The following TECRL variants were observed in gnomAD, a reference collection of about 807,000 sequenced individuals.
TECRL encodes the protein trans-2,3-enoyl-CoA reductase like.
In TECRL, 63 loss-of-function variants were observed where a neutral mutation model predicts 52.8. That is an observed-to-expected ratio of 1.19 (90% CI 0.97 to 1.47). The LOEUF (loss-of-function observed/expected upper bound fraction) is 1.47. TECRL is among the 40% of genes most tolerant of loss of function. The pLI is 0.00. For missense variants in TECRL, 482 were observed against 429.6 expected, an observed-to-expected ratio of 1.12 and a Z score of -1.08; for synonymous variants, 164 against 141.9, an observed-to-expected ratio of 1.16 and a Z score of -1.10.
intron 1 of TECRL, among the ~76,000 whole-genome samples, chr4:64,396,016 T>C (rs1577990021): frequency 6.6e-6 from 1 of 152,196 alleles, no homozygotes; most frequent in South Asian, 2.1e-4. Flanking sequence ...TGTTTTTTTA[T>C]GGCTGTGTAG....
chr4:64,352,799 C>G (rs1267951819), intron 2 of TECRL, among the ~76,000 whole-genome samples: 1 of 152,184 alleles, frequency 6.6e-6, no homozygotes, highest in Non-Finnish European at 1.5e-5. Context: ...ATGTTCTTGT[C>G]TTCGATGCTC....
At chr4:64,391,450 A>G (rs760628722) in intron 1 of TECRL, among the ~76,000 whole-genome samples, 1 of 151,976 alleles carries the variant, frequency 6.6e-6, no homozygotes, top group South Asian at 2.1e-4. Context: ...AAATGACCAG[A>G]ACTGAGTCCT....
chr4:64,281,582 G>T lies in TECRL; in HGVS notation c.833-23C>A, dbSNP rs377691033. 5.2e-6 allele frequency: 7 copies of T among 1,336,312 alleles called. No individual in the cohort carries two copies. In the South Asian group the frequency reaches 8.4e-5, roughly 16 times the overall value. 82.8% of individuals were successfully genotyped at this position (1,336,312 alleles called of 1,614,324 possible). ...TTCCTTTTTCAAAGGAAAGTAAAAT[G>T]TCAATGATGCTACACATTGCAAATC... is the stretch of plus-strand genomic sequence containing the variant. On this transcript the variant is annotated intron_variant, in intron 9 of 11. Transcript: ENST00000381210.
At chr4:64,373,764 G>A (rs1002462582) in intron 2 of TECRL, among the ~76,000 whole-genome samples, 1 of 151,056 alleles carries the variant, frequency 6.6e-6, no homozygotes, top group Non-Finnish European at 1.5e-5. Flanking sequence ...AAACTGTCTG[G>A]AGACACTTTA....
chr4:64,371,315 A>G (rs1312429894), intron 2 of TECRL, among the ~76,000 whole-genome samples: 2 of 151,168 alleles, frequency 1.3e-5, no homozygotes, highest in Non-Finnish European at 3.0e-5. Context: ...TTATAATTAT[A>G]ACTAAATTGT....
In TECRL at chr4:64,309,920, A is replaced by T; in HGVS notation, c.563T>A (p.Phe188Tyr). 1 of 1,590,236 alleles carries T rather than the reference A, an allele frequency of 6.3e-7. No homozygotes were observed. The highest frequency in any genetic ancestry group is 8.6e-7 in the Non-Finnish European group (1 of 1,169,040). Reference sequence around the variant, plus strand: ...TCGGATGTAGTGTATACAATGACAGAAGCAAGCCAAGCTGGAAAAAAAAAT... The same window carrying T: ...TCGGATGTAGTGTATACAATGACAGTAGCAAGCCAAGCTGGAAAAAAAAAT... ...LRHPVVHLAC[F>Y]CHCIHYIRYL... Residue 188 changes from phenylalanine (F) to tyrosine (Y), a missense_variant, in exon 6 of 12, where the codon TTC becomes TAC. Coordinates refer to ENST00000381210, the MANE Select transcript of TECRL (RefSeq NM_001010874.5).
chr4:64,343,831 C>T (rs529075609), intron 2 of TECRL, among the ~76,000 whole-genome samples: 3 of 152,064 alleles, frequency 2.0e-5, no homozygotes, highest in South Asian at 2.1e-4. Flanking sequence ...CAATTACACA[C>T]TTTAGAGCCA....
chr4:64,390,175 G>A (rs545796092), intron 1 of TECRL, among the ~76,000 whole-genome samples: 1 of 151,922 alleles, frequency 6.6e-6, no homozygotes, highest in African/African-American at 2.4e-5. Context: ...AATAAACTTT[G>A]CATAAAAAAT....
At chr4:64,292,975 G>A (rs948969360) in intron 8 of TECRL, among the ~76,000 whole-genome samples, 6 of 151,948 alleles carry the variant, frequency 3.9e-5, no homozygotes, top group African/African-American at 1.2e-4. Context: ...TTTATGCGCA[G>A]GCGTGGCTTA....
rs1553919070 is a variant in TECRL, at chr4:64,374,079, A to ATATT, written c.286+1089_286+1092dup. Among the ~76,000 whole-genome samples, 20 of 96,774 alleles carry ATATT rather than the reference A, an allele frequency of 2.1e-4. No individual in the cohort carries two copies. The East Asian group carries it at 3.6e-3, about 17-fold the overall frequency. The allele number at this position is 96,774 out of a possible 152,430, so 63.5% of individuals were successfully genotyped here. On this transcript the variant is annotated intron_variant, in intron 2 of 11. Transcript: ENST00000381210. ...TATATATATATATATATATATATAT[A>ATATT]TATTTATCTTTTTGGTTTTGTTCTT...
rs545825294 is a variant in TECRL, at chr4:64,283,962, A to G, written c.833-2403T>C. 3.3e-5 allele frequency among the ~76,000 whole-genome samples: 5 copies of G among 152,170 alleles called. No homozygotes were observed. The East Asian group carries it at 5.8e-4, about 18-fold the overall frequency. On this transcript the variant is annotated intron_variant, in intron 9 of 11. Transcript: ENST00000381210. ...ACTACAACTAGGGTTATATCACAAT[A>G]TAAACTACCTGAGGCTGTTCTGGGG...
At chr4:64,337,375 A>G (rs1017998104) in intron 2 of TECRL, among the ~76,000 whole-genome samples, 23 of 152,266 alleles carry the variant, frequency 1.5e-4, no homozygotes, top group African/African-American at 2.2e-4. Flanking sequence ...ACAAGACAGG[A>G]ATGCCCTCTC....
chr4:64,300,102 TG>T, intron 7 of TECRL, 85 bp from the exon 8 acceptor site: 1 of 1,001,998 alleles, frequency 1.0e-6, no homozygotes, highest in Non-Finnish European at 1.5e-6. Context: ...CAGTATTTAT[TG>T]GGTATAAATT....
chr4:64,403,873 C>A (rs1394765137), intron 1 of TECRL, among the ~76,000 whole-genome samples: 6 of 146,986 alleles, frequency 4.1e-5, no homozygotes, highest in Non-Finnish European at 3.0e-5. Flanking sequence ...AAAAGAAAGA[C>A]AAAAAAAAAA....
chr4:64,388,050 AT>A (rs947138682), intron 1 of TECRL, among the ~76,000 whole-genome samples: 5 of 151,220 alleles, frequency 3.3e-5, no homozygotes, highest in African/African-American at 9.7e-5. Context: ...CATCTTATTA[AT>A]TTTTTTTCAA....
chr4:64,364,216 G>A (rs1022911825), intron 2 of TECRL, among the ~76,000 whole-genome samples: 5 of 151,858 alleles, frequency 3.3e-5, no homozygotes, highest in Admixed American at 6.6e-5. Flanking sequence ...CAAAACTAGT[G>A]AAAACAAAGA....
At chr4:64,313,694 G>A (rs1431365955) in intron 5 of TECRL, among the ~76,000 whole-genome samples, 2 of 149,834 alleles carry the variant, frequency 1.3e-5, no homozygotes, top group Non-Finnish European at 3.0e-5. Context: ...TGTTAGCCAG[G>A]ATGGTCTCGA....
At chr4:64,347,386 A>G (rs1342388633) in intron 2 of TECRL, among the ~76,000 whole-genome samples, 1 of 152,194 alleles carries the variant, frequency 6.6e-6, no homozygotes, top group Non-Finnish European at 1.5e-5. Flanking sequence ...GGGACATCTC[A>G]AAATCAATGT....
chr4:64,400,512 C>A (rs556963770), intron 1 of TECRL, among the ~76,000 whole-genome samples: 1 of 152,006 alleles, frequency 6.6e-6, no homozygotes, highest in Non-Finnish European at 1.5e-5. Flanking sequence ...GGACCAAGGG[C>A]AGAAAAAATA....
Sources: allele counts gnomAD v4.1 joint callset (sites outside exome capture counted in the v4.1 genomes callset), GRCh38; gene constraint gnomAD v4.1.1; transcripts MANE v1.5; gene names NCBI Gene and HGNC (gene_info 2026-07-23, HGNC 2026-07-21).